TLR3: variants seen among roughly 807,000 people sequenced by gnomAD.
The protein encoded by TLR3 is toll-like receptor 3.
Under a neutral mutation model 66.4 loss-of-function variants are expected in TLR3, and 43 were observed. The ratio of observed to expected loss-of-function variants is 0.65; its 90% CI spans 0.51 to 0.83. The LOEUF is 0.83. TLR3 is among the 40% of genes least tolerant of loss of function. TLR3 has a pLI of 0.00. For synonymous variants in TLR3, 397 were observed against 397.2 expected (o/e 1.00, Z 0.01); for missense variants, 982 against 1,044.6 (o/e 0.94, Z 0.83).
At chr4:186,080,870 G>C (rs1055006329) in intron 3 of TLR3, among the ~76,000 whole-genome samples, 1 of 152,162 alleles carries the variant, frequency 6.6e-6, no homozygotes, top group Non-Finnish European at 1.5e-5. Context: ...GGGATTACAG[G>C]CGTGAGCCAC....
Position 186,085,796 on chromosome 4 carries a change from A to G in TLR3, c.*923A>G, listed in dbSNP as rs1428146959. 6.6e-6 allele frequency: 1 copy of G among 152,246 alleles called. No individual in the cohort carries two copies. The highest frequency in any genetic ancestry group is 2.1e-4 in the South Asian group (1 of 4,834). 9.4% of individuals were successfully genotyped at this position (152,246 alleles called of 1,614,324 possible). A position where few individuals can be genotyped will look rare whatever the true frequency, so the allele number is the denominator to read the frequency against. On this transcript the variant is annotated 3_prime_UTR_variant, in exon 5 of 5. Coordinates refer to ENST00000296795, the MANE Select transcript of TLR3 (RefSeq NM_003265.3). ...GAATGTATTATTTTACCATAAAATA[A>G]TGTGCTACGCATAAGGTAGTCCTTA...
chr4:186,070,353 CTATCT>C (rs1419904889), intron 1 of TLR3, among the ~76,000 whole-genome samples: 1 of 151,960 alleles, frequency 6.6e-6, no homozygotes, highest in Non-Finnish European at 1.5e-5. Context: ...TGAAATTTCC[CTATCT>C]TATTTTATTT....
chr4:186,084,199 T>C (rs1561372886), intron 4 of TLR3, 27 bp downstream of exon 4: 1 of 1,608,620 alleles, frequency 6.2e-7, no homozygotes, highest in Middle Eastern at 1.7e-4. Context: ...AAATTTTAAG[T>C]GTGTACTTGC....
At chr4:186,084,539 A>C (rs1040687370) in intron 4 of TLR3, 106 bp from the exon 5 acceptor site, 30 of 776,860 alleles carry the variant, frequency 3.9e-5, no homozygotes, top group South Asian at 1.8e-4. Flanking sequence ...GAAAAAAAAA[A>C]CCTGAGTTTC....
Position 186,087,181 on chromosome 4 carries a change from T to C in TLR3, c.*2308T>C, listed in dbSNP as rs1298476418. On this transcript the variant is annotated 3_prime_UTR_variant, in exon 5 of 5. Coordinates refer to ENST00000296795, the MANE Select transcript of TLR3 (RefSeq NM_003265.3). ...CTAGGAAGCCTTTAGTTTCCCTGCCTGCAGACCCCATTCTCCTGCCTCAGA... is the reference window on the plus strand; with the variant it reads ...CTAGGAAGCCTTTAGTTTCCCTGCCCGCAGACCCCATTCTCCTGCCTCAGA... The C allele has an allele frequency of 6.6e-6, 1 of 152,198 alleles. No individual in the cohort carries two copies. The highest frequency in any genetic ancestry group is 2.4e-5 in the African/African-American group (1 of 41,446). The allele number at this position is 152,198 out of a possible 1,614,324, so 9.4% of individuals were successfully genotyped here. A position where few individuals can be genotyped will look rare whatever the true frequency, so the allele number is the denominator to read the frequency against.
Position 186,076,759 on chromosome 4 carries a change from A to G in TLR3, c.140A>G (p.Asp47Gly). The G allele has an allele frequency of 6.2e-7, 1 of 1,613,980 alleles. No homozygotes were observed. Among genetic ancestry groups the G allele is most frequent in the South Asian group, 1.1e-5 (1 of 91,078 alleles). ...CACCTGAAGTTGACTCAGGTACCCG[A>G]TGATCTACCCACAAACATAACAGTG... Reference protein sequence around the residue: ...CSHLKLTQVPDDLPTNITVLN... With the variant: ...CSHLKLTQVPGDLPTNITVLN... Residue 47 changes from aspartate (D) to glycine (G), a missense_variant, in exon 2 of 5, where the codon GAT becomes GGT. By Grantham distance (94) the Asp-to-Gly change is moderately conservative (BLOSUM62 -1). This residue lies in a region of TLR3 where 313 missense variants were observed against 319.0 expected (regional missense o/e 0.98). Coordinates refer to ENST00000296795, the MANE Select transcript of TLR3 (RefSeq NM_003265.3).
chr4:186,084,668 A>C lies in TLR3; in HGVS notation c.2510A>C (p.Gln837Pro), dbSNP rs1001355502. ...AGATTCAAGGTACATCATGCAGTTC[A>C]ACAAGCTATTGAACAAAATCTGGAT... is the stretch of plus-strand genomic sequence containing the variant. The part of the protein sequence containing the change: ...CKRFKVHHAV[Q>P]QAIEQNLDSI... The change falls in exon 5 of 5, where the codon CAA (glutamine) becomes CCA (proline). Residue 837 changes from glutamine (Q) to proline (P), a missense_variant. Gln to Pro is a moderately conservative substitution (Grantham distance 76, BLOSUM62 -1). This residue lies in a region of TLR3 where 666 missense variants were observed against 709.0 expected (regional missense o/e 0.94). Coordinates refer to ENST00000296795, the MANE Select transcript of TLR3 (RefSeq NM_003265.3). The C allele has an allele frequency of 1.9e-6, 3 of 1,613,308 alleles. No individual in the cohort carries two copies. Among genetic ancestry groups the C allele is most frequent in the Non-Finnish European group, 2.5e-6 (3 of 1,179,432 alleles).
Position 186,076,749 on chromosome 4 carries a change from C to A in TLR3, c.130C>A (p.Gln44Lys). 1 of 1,614,088 alleles carries A rather than the reference C, an allele frequency of 6.2e-7. No homozygotes were observed. The highest frequency in any genetic ancestry group is 8.5e-7 in the Non-Finnish European group (1 of 1,180,022). ...TGACTGCAGCCACCTGAAGTTGACT[C>A]AGGTACCCGATGATCTACCCACAAA... ...VADCSHLKLTQVPDDLPTNIT... is the reference protein window; with the variant it reads ...VADCSHLKLTKVPDDLPTNIT... The change falls in exon 2 of 5, where the codon CAG becomes AAG. Residue 44 changes from glutamine to lysine, a missense_variant. By Grantham distance (53) the Gln-to-Lys change is moderately conservative. This residue lies in a region of TLR3 where 313 missense variants were observed against 319.0 expected (regional missense o/e 0.98). Transcript: ENST00000296795.
rs760031786 is a variant in TLR3 at position 186,078,837 on chromosome 4, C to T, written c.442-3C>T. On this transcript the variant is annotated splice_polypyrimidine_tract_variant and splice_region_variant and intron_variant, in intron 2 of 4. Coordinates refer to ENST00000296795, the MANE Select transcript of TLR3 (RefSeq NM_003265.3). ...ACATATGCATATTATTTTTTCCCTT[C>T]AGAATTTAATCACATTAGATCTGTC... 6.2e-7 allele frequency: 1 copy of T among 1,613,080 alleles called. No individual in the cohort carries two copies. The highest frequency in any genetic ancestry group is 8.5e-7 in the Non-Finnish European group (1 of 1,179,430).
rs377509605 is a variant in TLR3, at chr4:186,083,866, G to T, written c.2180G>T (p.Gly727Val). 6.2e-7 allele frequency: 1 copy of T among 1,614,032 alleles called. No homozygotes were observed. The highest frequency in any genetic ancestry group is 2.2e-5 in the East Asian group (1 of 44,898). Residue 727 changes from glycine (G) to valine (V), a missense_variant, in exon 4 of 5, where the codon GGC becomes GTC. Gly to Val is a moderately radical substitution (Grantham distance 109). Around this residue, in one of 3 missense-constraint regions of TLR3, gnomAD observed 666 missense variants for 709.0 expected, o/e 0.94. Transcript: ENST00000296795. This position sits in a 1 kb window ranked among gnomAD's most constrained non-coding sequence, Gnocchi z 4.0. ...ATTGTACTTCTCATCCACTTTGAGG[G>T]CTGGAGGATATCTTTTTATTGGAAT... ...IFIVLLIHFE[G>V]WRISFYWNVS...
rs369886993 is a variant in TLR3 at position 186,083,175 on chromosome 4, A to G, written c.1489A>G (p.Ser497Gly). The G allele has an allele frequency of 5.8e-5, 93 of 1,614,098 alleles. No homozygotes were observed. The highest frequency in any genetic ancestry group is 7.6e-6 in the Non-Finnish European group (9 of 1,180,046). ...AAGGGTGGCCCTTAAAAATGTGGAT[A>G]GCTCTCCTTCACCATTCCAGCCTCT... ...LRRVALKNVDSSPSPFQPLRN... is the reference protein window; with the variant it reads ...LRRVALKNVDGSPSPFQPLRN... The change falls in exon 4 of 5, where the codon AGC becomes GGC. Residue 497 changes from serine to glycine, a missense_variant. Physicochemically the swap from Ser to Gly is moderately conservative, Grantham distance 56 (BLOSUM62 0). Around this residue, in one of 3 missense-constraint regions of TLR3, gnomAD observed 666 missense variants for 709.0 expected, o/e 0.94. Transcript: ENST00000296795. This position sits in a 1 kb window ranked among gnomAD's most constrained non-coding sequence, Gnocchi z 4.0.
chr4:186,082,715 C>A lies in TLR3; in HGVS notation c.1029C>A (p.Leu343=), dbSNP rs778371567. 3.7e-6 allele frequency: 6 copies of A among 1,613,920 alleles called. No individual in the cohort carries two copies. In the African/African-American group the frequency reaches 8.0e-5, roughly 22 times the overall value. Residue 343 remains leucine (L), a synonymous_variant, in exon 4 of 5, where the codon CTC becomes CTA. Coordinates refer to ENST00000296795, the MANE Select transcript of TLR3 (RefSeq NM_003265.3). The part of the protein sequence containing the change: ...FTKQSISLAS[L]PKIDDFSFQW... ...AACAAAGTATTTCCCTTGCCTCACTCCCCAAGATTGATGATTTTTCTTTTC... is the reference window on the plus strand; with the variant it reads ...AACAAAGTATTTCCCTTGCCTCACTACCCAAGATTGATGATTTTTCTTTTC...
chr4:186,081,204 G>T (rs1262776652), intron 3 of TLR3, among the ~76,000 whole-genome samples: 1 of 151,590 alleles, frequency 6.6e-6, no homozygotes, highest in Non-Finnish European at 1.5e-5. Flanking sequence ...AGGAGGCAAG[G>T]GTTGCAGGGA....
intron 3 of TLR3, chr4:186,081,572 C>A (rs1302610292): frequency 2.0e-5 from 3 of 152,290 alleles, no homozygotes; most frequent in Non-Finnish European, 4.4e-5. Context: ...TCATAAAAGC[C>A]ATCCACAACT....
chr4:186,084,245 G>C, intron 4 of TLR3, 73 bp downstream of exon 4: 1 of 1,431,118 alleles, frequency 7.0e-7, no homozygotes, highest in Non-Finnish European at 9.7e-7. Flanking sequence ...TTTTGAGATG[G>C]AGTCCTGCTC....
rs2099302549 is a variant in TLR3 at position 186,076,949 on chromosome 4, G to A, written c.330G>A (p.Glu110=). 7 of 1,614,208 alleles carry A rather than the reference G, an allele frequency of 4.3e-6. No individual in the cohort carries two copies. Among genetic ancestry groups the A allele is most frequent in the East Asian group, 2.2e-5 (1 of 44,882 alleles). Residue 110 remains glutamate (E), a synonymous_variant, in exon 2 of 5, where the codon GAG becomes GAA. Transcript: ENST00000296795. ...MLKVLNLQHN[E]LSQLSDKTFA... Reference sequence around the variant, plus strand: ...AAGTTTTGAACCTCCAGCACAATGAGCTATCTCAACTTTCTGATAAAACCT... The same window carrying A: ...AAGTTTTGAACCTCCAGCACAATGAACTATCTCAACTTTCTGATAAAACCT...
Position 186,069,171 on chromosome 4 carries a change from G to A in TLR3, c.-85G>A, listed in dbSNP as rs1243851090. On this transcript the variant is annotated 5_prime_UTR_variant, in exon 1 of 5. Transcript: ENST00000296795. ...CTTTACTTTCACTTTCGAGAGTGCC[G>A]TCTATTTGCCACACACTTCCCTGAT... 1 of 151,870 alleles carries A rather than the reference G, an allele frequency of 6.6e-6. No individual in the cohort carries two copies. The highest frequency in any genetic ancestry group is 6.6e-5 in the Admixed American group (1 of 15,234). The allele number at this position is 151,870 out of a possible 1,614,324, so 9.4% of individuals were successfully genotyped here. A position where few individuals can be genotyped will look rare whatever the true frequency, so the allele number is the denominator to read the frequency against.
Position 186,082,381 on chromosome 4 carries a change from A to G in TLR3, c.695A>G (p.Gln232Arg). ...RLFGLFLNNVQLGPSLTEKLC... is the reference protein window; with the variant it reads ...RLFGLFLNNVRLGPSLTEKLC... ...TTTGGCCTCTTTCTGAACAATGTCC[A>G]GCTGGGTCCCAGCCTTACAGAGAAG... The change falls in exon 4 of 5, where the codon CAG becomes CGG. Residue 232 changes from glutamine (Q) to arginine (R), a missense_variant. Physicochemically the swap from Gln to Arg is conservative, Grantham distance 43. Transcript: ENST00000296795. 6 of 1,614,044 alleles carry G rather than the reference A, an allele frequency of 3.7e-6. No homozygotes were observed. Among genetic ancestry groups the G allele is most frequent in the Non-Finnish European group, 4.2e-6 (5 of 1,180,016 alleles).
At chr4:186,084,401 A>G (rs1404366816) in intron 4 of TLR3, among the ~76,000 whole-genome samples, 2 of 151,998 alleles carry the variant, frequency 1.3e-5, no homozygotes, top group Admixed American at 6.6e-5. Flanking sequence ...TTGTATTTTT[A>G]TTAGAGATGG....
Sources: allele counts gnomAD v4.1 joint callset (sites outside exome capture counted in the v4.1 genomes callset), GRCh38; gene constraint gnomAD v4.1.1; regional missense constraint gnomAD v4.1.1; non-coding constraint Gnocchi (gnomAD v3.1); transcripts MANE v1.5; gene names NCBI Gene and HGNC (gene_info 2026-07-23, HGNC 2026-07-21).